ANXA8: variants seen among roughly 807,000 people sequenced by gnomAD.
ANXA8 encodes the protein annexin A8.
Under a neutral mutation model 26.8 loss-of-function variants are expected in ANXA8, and 9 were observed. The observed-to-expected ratio is 0.34, with a 90% confidence interval of 0.20 to 0.59. The LOEUF is 0.59. Ranked by LOEUF, ANXA8 falls within the 20% of genes least tolerant of loss-of-function variation. ANXA8 has a pLI of 0.84. For synonymous variants in ANXA8, 39 were observed against 94.8 expected (o/e 0.41, Z 3.42); for missense variants, 83 against 238.5 (o/e 0.35, Z 4.29).
the ANXA8 span, among the ~76,000 whole-genome samples, chr10:47,731,199 T>TAAAATA: frequency 6.6e-6 from 1 of 152,278 alleles, no homozygotes. Context: ...TGCCTGAAAA[T>TAAAATA]AAATTCATGA....
At chr10:47,533,141 C>T in the ANXA8 span, among the ~76,000 whole-genome samples, 1 of 149,598 alleles carries the variant, frequency 6.7e-6, no homozygotes, top group African/African-American at 2.5e-5. Context: ...TTCAGCAAAA[C>T]AGTGGGCTTC....
chr10:47,718,153 T>C, the ANXA8 span, among the ~76,000 whole-genome samples: 5 of 152,402 alleles, frequency 3.3e-5, no homozygotes, highest in South Asian at 1.0e-3. Context: ...GAATCTAAAA[T>C]AAAAATCGAA....
the ANXA8 span, among the ~76,000 whole-genome samples, chr10:47,497,111 AG>A: frequency 6.6e-6 from 1 of 151,022 alleles, no homozygotes; most frequent in East Asian, 1.9e-4. Flanking sequence ...ACCTGAGGTC[AG>A]GAGTTCAAAA....
the ANXA8 span, among the ~76,000 whole-genome samples, chr10:47,711,366 C>G: frequency 2.0e-5 from 3 of 149,788 alleles, no homozygotes; most frequent in Middle Eastern, 0.01. Flanking sequence ...AAGACAGTTT[C>G]ATTTGTGGCT....
the ANXA8 span, among the ~76,000 whole-genome samples, chr10:47,661,081 A>G: frequency 1.4e-5 from 2 of 141,590 alleles, no homozygotes; most frequent in South Asian, 4.4e-4. Flanking sequence ...ATTTTGTTTT[A>G]TTGTATGCTT....
At chr10:47,719,411 G>T in the ANXA8 span, among the ~76,000 whole-genome samples, 1 of 116,074 alleles carries the variant, frequency 8.6e-6, no homozygotes, top group Non-Finnish European at 1.7e-5. Flanking sequence ...TGCCCGCGTC[G>T]GCCTCCCAAA....
the ANXA8 span, chr10:47,542,149 G>GA: frequency 2.6e-3 from 1,850 of 721,898 alleles, 220 homozygotes; most frequent in East Asian, 0.052. Context: ...ATTAAAAATA[G>GA]AAAAAAAGCA....
chr10:47,738,180 G>T, the ANXA8 span, among the ~76,000 whole-genome samples: 1 of 148,350 alleles, frequency 6.7e-6, no homozygotes, highest in Admixed American at 6.8e-5. Context: ...TCTTGGGTAT[G>T]TACCCAGGAG....
At chr10:47,972,983 C>A in the ANXA8 span, 1 of 150,350 alleles carries the variant, frequency 6.7e-6, no homozygotes, top group Admixed American at 6.7e-5. Context: ...CTTTCTCATT[C>A]TCAAAGAACA....
At chr10:47,735,154 C>T in the ANXA8 span, among the ~76,000 whole-genome samples, 1 of 150,328 alleles carries the variant, frequency 6.7e-6, no homozygotes, top group African/African-American at 2.5e-5. Flanking sequence ...GGCTGGAGTA[C>T]AGTGGCACAA....
chr10:47,578,003 CAAA>C, the ANXA8 span, among the ~76,000 whole-genome samples: 3 of 24,218 alleles, frequency 1.2e-4, no homozygotes, highest in Non-Finnish European at 9.6e-5. Context: ...AACTCCACCT[CAAA>C]AAAAAAAAAA....
At chr10:47,484,150 C>T (rs2132440406), upstream of ANXA8, 4 of 1,100,262 alleles carry the variant, frequency 3.6e-6, no homozygotes, top group East Asian at 7.7e-5. Flanking sequence ...GCTCCCAGGC[C>T]CCACCCAGAC....
the ANXA8 span, among the ~76,000 whole-genome samples, chr10:47,737,410 A>T: frequency 6.7e-6 from 1 of 150,302 alleles, no homozygotes; most frequent in Non-Finnish European, 1.5e-5. Context: ...TTGTCCCAAC[A>T]CTATTGATTT....
the ANXA8 span, among the ~76,000 whole-genome samples, chr10:47,533,391 C>A: frequency 6.6e-6 from 1 of 151,854 alleles, no homozygotes; most frequent in South Asian, 2.1e-4. Flanking sequence ...CCACCATCAC[C>A]CTGTGATGTG....
chr10:47,975,664 G>A, the ANXA8 span, among the ~76,000 whole-genome samples: 1 of 151,198 alleles, frequency 6.6e-6, no homozygotes, highest in Admixed American at 6.6e-5. Flanking sequence ...GGGTAGCTGG[G>A]GTCATTAAAT....
the ANXA8 span, among the ~76,000 whole-genome samples, chr10:47,684,770 G>A: frequency 6.6e-6 from 1 of 150,936 alleles, no homozygotes; most frequent in Non-Finnish European, 1.5e-5. Context: ...ATTTTTAGTA[G>A]AGACGGGGTT....
chr10:47,667,565 T>G, the ANXA8 span, among the ~76,000 whole-genome samples: 12 of 151,998 alleles, frequency 7.9e-5, 1 homozygote, highest in African/African-American at 2.9e-4. Context: ...TTTTGTTTGT[T>G]TTTTGAGACA....
chr10:47,578,033 T>G, the ANXA8 span, among the ~76,000 whole-genome samples: 1 of 44,438 alleles, frequency 2.3e-5, no homozygotes, highest in Admixed American at 2.4e-4. Context: ...AAAGAATGCT[T>G]GGCTGGGCAC....
chr10:47,973,921 G>GT, the ANXA8 span, among the ~76,000 whole-genome samples: 1 of 151,062 alleles, frequency 6.6e-6, no homozygotes, highest in East Asian at 1.9e-4. Flanking sequence ...TCGTTGGTAG[G>GT]TTTTTTATTA....
Sources: gnomAD v4.1 joint callset for allele counts (sites outside exome capture counted in the v4.1 genomes callset) on GRCh38, gnomAD v4.1.1 for gene constraint, MANE v1.5 for transcripts, NCBI Gene and HGNC (gene_info 2026-07-23, HGNC 2026-07-21) for gene names.